CALN1: variants seen among roughly 807,000 people sequenced by gnomAD.
CALN1 encodes the protein calneuron 1.
A neutral mutation model predicts 30.6 loss-of-function variants in CALN1; 17 were observed. The observed-to-expected ratio is 0.56, with a 90% confidence interval of 0.38 to 0.83. The LOEUF (loss-of-function observed/expected upper bound fraction) is 0.83. Among genes scored for constraint, CALN1 ranks in the 40% least tolerant of loss-of-function variants. CALN1 has a pLI of 0.00. For missense variants in CALN1, 291 were observed against 354.9 expected (o/e 0.82, Z 1.45); for synonymous variants, 156 against 131.4 (o/e 1.19, Z -1.28).
intron 4 of CALN1, among the ~76,000 whole-genome samples, chr7:72,042,988 C>G (rs1243956813): frequency 6.6e-6 from 1 of 152,146 alleles, no homozygotes; most frequent in East Asian, 1.9e-4. Context: ...GTCATTCAGC[C>G]AAGGCCACAA....
At chr7:72,027,021 C>G (rs983907975) in intron 4 of CALN1, among the ~76,000 whole-genome samples, 9 of 152,148 alleles carry the variant, frequency 5.9e-5, no homozygotes, top group African/African-American at 2.2e-4. Context: ...ACTATACATT[C>G]TCAAGAGTGA....
intron 2 of CALN1, among the ~76,000 whole-genome samples, chr7:72,319,519 T>C (rs375710758): frequency 6.6e-6 from 1 of 152,138 alleles, no homozygotes; most frequent in South Asian, 2.1e-4. Flanking sequence ...AAAATGAGAT[T>C]TGGGTGGGGA....
intron 2 of CALN1, among the ~76,000 whole-genome samples, chr7:72,344,010 G>A (rs1802499723): frequency 6.6e-6 from 1 of 152,002 alleles, no homozygotes. Context: ...TAAAGATAAA[G>A]AAAGGTCTAT....
chr7:72,408,701 G>A (rs1433261184), intron 1 of CALN1, among the ~76,000 whole-genome samples: 3 of 18,686 alleles, frequency 1.6e-4, no homozygotes, highest in Non-Finnish European at 4.1e-4. Context: ...TTTTGAGACA[G>A]GGTTGCACTC....
intron 2 of CALN1, among the ~76,000 whole-genome samples, chr7:72,397,714 T>TCACACACACACACACACA (rs3138810): frequency 0.012 from 1,764 of 142,852 alleles, 22 homozygotes; most frequent in East Asian, 0.027. Flanking sequence ...CCATTCTCTC[T>TCACACACACACACACACA]CACACACACA....
intron 1 of CALN1, among the ~76,000 whole-genome samples, chr7:72,438,078 A>G (rs1477249544): frequency 6.6e-6 from 1 of 151,866 alleles, no homozygotes; most frequent in African/African-American, 2.4e-5. Context: ...AGCTCCAATG[A>G]TCCTCCCACC....
chr7:71,851,894 AG>A (rs1288656199), intron 5 of CALN1, among the ~76,000 whole-genome samples: 1 of 152,178 alleles, frequency 6.6e-6, no homozygotes, highest in Non-Finnish European at 1.5e-5. Context: ...CAGTTAATTA[AG>A]GGAGAGCTCA....
intron 3 of CALN1, among the ~76,000 whole-genome samples, chr7:72,162,385 G>A (rs1246274766): frequency 6.6e-6 from 1 of 151,930 alleles, no homozygotes; most frequent in Admixed American, 6.6e-5. Flanking sequence ...ATAGGATGGT[G>A]GCCAAAAGCA....
the CALN1 span, among the ~76,000 whole-genome samples, chr7:72,501,850 A>G: frequency 3.0e-4 from 43 of 143,528 alleles, no homozygotes; most frequent in Non-Finnish European, 6.2e-4. Flanking sequence ...TGGAAGTTGC[A>G]GTGAGCTGAG....
At chr7:72,370,988 C>T (rs1804205884) in intron 2 of CALN1, among the ~76,000 whole-genome samples, 1 of 136,496 alleles carries the variant, frequency 7.3e-6, no homozygotes, top group African/African-American at 2.8e-5. Flanking sequence ...GTGGAGGTTG[C>T]AGTAAGCCAA....
intron 6 of CALN1, among the ~76,000 whole-genome samples, chr7:71,792,791 C>G (rs372078954): frequency 2.0e-5 from 3 of 152,190 alleles, no homozygotes; most frequent in East Asian, 3.9e-4. Context: ...CCTGCGAAAG[C>G]ATTAGGAAGA....
At chr7:72,470,962 T>G in the CALN1 span, among the ~76,000 whole-genome samples, 78 of 152,136 alleles carry the variant, frequency 5.1e-4, no homozygotes, top group African/African-American at 1.7e-3. Flanking sequence ...TTTGTTTGTT[T>G]GTTTTATTTT....
chr7:71,857,012 A>ATGTGTG (rs1554357055), intron 5 of CALN1, among the ~76,000 whole-genome samples: 2 of 123,054 alleles, frequency 1.6e-5, no homozygotes, highest in Non-Finnish European at 3.2e-5. Context: ...TGGTGTGTAT[A>ATGTGTG]TGTATGTGTG....
At chr7:72,434,220 C>G (rs1016583706) in intron 1 of CALN1, among the ~76,000 whole-genome samples, 1 of 151,278 alleles carries the variant, frequency 6.6e-6, no homozygotes, top group Non-Finnish European at 1.5e-5. Context: ...AATAATTTAC[C>G]AGCCAGGCAC....
At chr7:71,996,143 TA>T (rs1466971462) in intron 5 of CALN1, among the ~76,000 whole-genome samples, 1 of 152,110 alleles carries the variant, frequency 6.6e-6, no homozygotes, top group African/African-American at 2.4e-5. Flanking sequence ...TACCAGAATC[TA>T]AACCTAAACG....
intron 3 of CALN1, among the ~76,000 whole-genome samples, chr7:72,239,797 C>A (rs777423089): frequency 4.6e-4 from 70 of 152,274 alleles, no homozygotes; most frequent in Non-Finnish European, 8.2e-4. Flanking sequence ...AGAGAATGTG[C>A]ACCACTTAGT....
At chr7:71,920,534 A>G (rs527803791) in intron 5 of CALN1, among the ~76,000 whole-genome samples, 100 of 151,874 alleles carry the variant, frequency 6.6e-4, no homozygotes, top group African/African-American at 2.3e-3. Flanking sequence ...ATGGGGTTTC[A>G]CCGTGTTAGC....
chr7:72,487,924 A>AG, the CALN1 span, among the ~76,000 whole-genome samples: 99 of 84,906 alleles, frequency 1.2e-3, no homozygotes, highest in Non-Finnish European at 1.6e-3. Flanking sequence ...GAAAGAAGGA[A>AG]GGAAGGAAGG....
At chr7:72,493,135 C>A in the CALN1 span, among the ~76,000 whole-genome samples, 3 of 152,084 alleles carry the variant, frequency 2.0e-5, no homozygotes, top group Non-Finnish European at 2.9e-5. Context: ...ATTCCCCAGT[C>A]TCCCGCCATC....
Sources: gnomAD v4.1 joint callset for allele counts (sites outside exome capture counted in the v4.1 genomes callset) on GRCh38, gnomAD v4.1.1 for gene constraint, MANE v1.5 for transcripts, NCBI Gene and HGNC (gene_info 2026-07-23, HGNC 2026-07-21) for gene names.